NPSR1: variants seen among roughly 807,000 people sequenced by gnomAD.
The protein encoded by NPSR1 is neuropeptide S receptor 1.
In NPSR1, 48 loss-of-function variants were observed where a neutral mutation model predicts 46.9. The observed-to-expected ratio is 1.02, with a 90% CI of 0.81 to 1.30. NPSR1 has a LOEUF of 1.30. Ranked by LOEUF, NPSR1 falls within the 50% of genes most tolerant of loss-of-function variation. NPSR1 has a pLI of 0.00. For synonymous variants in NPSR1, 176 were observed against 168.1 expected (o/e 1.05, Z -0.36); for missense variants, 450 against 449.5 (o/e 1.00, Z -0.01).
intron 2 of NPSR1, among the ~76,000 whole-genome samples, chr7:34,694,679 A>G (rs1301078955): frequency 1.3e-5 from 2 of 152,198 alleles, no homozygotes; most frequent in East Asian, 3.9e-4. Flanking sequence ...TAAAGTTTAT[A>G]TAGAATTTTA....
At chr7:34,670,152 A>G (rs1339361265) in intron 1 of NPSR1, among the ~76,000 whole-genome samples, 1 of 152,200 alleles carries the variant, frequency 6.6e-6, no homozygotes, top group Non-Finnish European at 1.5e-5. Flanking sequence ...TAGGTGAGAA[A>G]AGCTCAGAAA....
At chr7:34,794,045 T>C (rs1788058792) in intron 3 of NPSR1, among the ~76,000 whole-genome samples, 1 of 152,064 alleles carries the variant, frequency 6.6e-6, no homozygotes, top group Non-Finnish European at 1.5e-5. Context: ...GAGAGTAGAA[T>C]GGTGGTTAGC....
intron 1 of NPSR1, among the ~76,000 whole-genome samples, chr7:34,658,841 CT>C (rs1309304486): frequency 1.3e-5 from 2 of 152,138 alleles, no homozygotes; most frequent in Non-Finnish European, 2.9e-5. Context: ...TACTTTCCCC[CT>C]TTCCTTAGGT....
rs1284891249 is a variant in NPSR1 at position 34,822,629 on chromosome 7, A to C, written c.479-4772A>C. On this transcript the variant is annotated intron_variant, in intron 4 of 8. Transcript: ENST00000360581. Reference sequence around the variant, plus strand: ...AACAATGCTGGAACCAGAATAACACATATAAATCATACAAAATTTCAAATC... The same window carrying C: ...AACAATGCTGGAACCAGAATAACACCTATAAATCATACAAAATTTCAAATC... 2.6e-5 allele frequency among the ~76,000 whole-genome samples: 4 copies of C among 152,252 alleles called. No homozygotes were observed. In the East Asian group the frequency reaches 7.7e-4, roughly 29 times the overall value.
At chr7:34,779,853 C>T (rs1787154451) in intron 3 of NPSR1, 1 of 182,930 alleles carries the variant, frequency 5.5e-6, no homozygotes, top group East Asian at 1.3e-4. Flanking sequence ...TTCTATTAGT[C>T]AAGAATTCAG....
chr7:34,744,340 TTA>T (rs1479673116), intron 2 of NPSR1, among the ~76,000 whole-genome samples: 25 of 152,218 alleles, frequency 1.6e-4, no homozygotes, highest in Admixed American at 1.6e-3. Context: ...TTTTAAAATT[TTA>T]TGTTTTTATG....
intron 3 of NPSR1, among the ~76,000 whole-genome samples, chr7:34,786,079 A>G (rs1466646949): frequency 1.3e-5 from 2 of 152,158 alleles, no homozygotes; most frequent in Non-Finnish European, 2.9e-5. Context: ...TACATATAAA[A>G]AATTATCTGT....
At chr7:34,831,132 G>A (rs1049773201) in intron 5 of NPSR1, among the ~76,000 whole-genome samples, 6 of 152,148 alleles carry the variant, frequency 3.9e-5, no homozygotes, top group African/African-American at 1.4e-4. Flanking sequence ...TGTATCTCAT[G>A]AGTGCAGGGA....
chr7:34,739,758 C>A (rs1414571468), intron 2 of NPSR1, among the ~76,000 whole-genome samples: 1 of 152,194 alleles, frequency 6.6e-6, no homozygotes, highest in African/African-American at 2.4e-5. Context: ...TGATGTGAAC[C>A]ATCTGTGGGT....
chr7:34,819,188 C>T (rs1217605494), intron 4 of NPSR1, among the ~76,000 whole-genome samples: 4 of 152,096 alleles, frequency 2.6e-5, no homozygotes, highest in Non-Finnish European at 5.9e-5. Flanking sequence ...GGGCTAATAT[C>T]CAGAATCTAC....
Position 34,778,356 on chromosome 7 carries a change from A to G in NPSR1, c.281-106A>G, listed in dbSNP as rs1158560996. On this transcript the variant is annotated intron_variant, in intron 2 of 8. Coordinates refer to ENST00000360581, the MANE Select transcript of NPSR1 (RefSeq NM_207172.2). ...GATAAAGCAGGAAGGAAAAAAATTA[A>G]AAATGAACCTCCCCAGGATTTCATT... 4.9e-6 allele frequency: 3 copies of G among 616,874 alleles called. No homozygotes were observed. In the East Asian group the frequency reaches 9.3e-5, roughly 19 times the overall value. 38.2% of individuals were successfully genotyped at this position (616,874 alleles called of 1,614,324 possible).
At chr7:34,669,065 T>C (rs1424454959) in intron 1 of NPSR1, among the ~76,000 whole-genome samples, 1 of 152,188 alleles carries the variant, frequency 6.6e-6, no homozygotes, top group Non-Finnish European at 1.5e-5. Flanking sequence ...TACCCAGATA[T>C]TGGTTAAAAT....
intron 3 of NPSR1, among the ~76,000 whole-genome samples, chr7:34,791,109 TTA>T (rs199532315): frequency 9.6e-6 from 1 of 104,218 alleles, no homozygotes; most frequent in Non-Finnish European, 1.9e-5. Context: ...ATATAATATG[TTA>T]TATAATATAA....
At chr7:34,855,801 C>T (rs1367784246) in intron 8 of NPSR1, among the ~76,000 whole-genome samples, 1 of 152,034 alleles carries the variant, frequency 6.6e-6, no homozygotes, top group Non-Finnish European at 1.5e-5. Context: ...CAAAATATAA[C>T]AAGGCTAACA....
intron 2 of NPSR1, among the ~76,000 whole-genome samples, chr7:34,746,093 T>C (rs1277358599): frequency 6.6e-6 from 1 of 152,226 alleles, no homozygotes; most frequent in East Asian, 1.9e-4. Flanking sequence ...ATCGATACAA[T>C]CAGTTATTTC....
chr7:34,786,288 C>T (rs1053979201), intron 3 of NPSR1, among the ~76,000 whole-genome samples: 1 of 152,124 alleles, frequency 6.6e-6, no homozygotes, highest in African/African-American at 2.4e-5. Context: ...CTTTGCTCAT[C>T]CATAATAAGC....
At chr7:34,773,435 T>C (rs1786784362) in intron 2 of NPSR1, among the ~76,000 whole-genome samples, 1 of 152,180 alleles carries the variant, frequency 6.6e-6, no homozygotes, top group Non-Finnish European at 1.5e-5. Flanking sequence ...CATTCTTGTT[T>C]GGTAATCTAA....
intron 2 of NPSR1, among the ~76,000 whole-genome samples, chr7:34,758,988 T>G (rs1786022861): frequency 6.6e-6 from 1 of 152,238 alleles, no homozygotes; most frequent in East Asian, 1.9e-4. Flanking sequence ...ACTTTGGGTT[T>G]GTGTGATGTT....
downstream of NPSR1, among the ~76,000 whole-genome samples, chr7:34,851,860 T>C (rs186356414): frequency 4.1e-4 from 62 of 152,320 alleles, no homozygotes; most frequent in African/African-American, 1.5e-3. Context: ...CCGAGAAGAC[T>C]GGAGATCAAT....
Sources: gnomAD v4.1 joint callset for allele counts (sites outside exome capture counted in the v4.1 genomes callset) on GRCh38, gnomAD v4.1.1 for gene constraint, MANE v1.5 for transcripts, NCBI Gene and HGNC (gene_info 2026-07-23, HGNC 2026-07-21) for gene names.